The following CD3E variants were observed in gnomAD, a reference collection of about 807,000 sequenced individuals.
CD3E encodes the protein CD3 epsilon subunit of T-cell receptor complex.
Under a neutral mutation model 34.7 loss-of-function variants are expected in CD3E, and 16 were observed. That is an observed-to-expected ratio of 0.46 (90% confidence interval 0.31 to 0.70). The LOEUF (loss-of-function observed/expected upper bound fraction) is 0.70. Ranked by LOEUF, CD3E falls within the 30% of genes least tolerant of loss-of-function variation. The pLI is 0.05. For missense variants in CD3E, 223 were observed against 253.9 expected, an observed-to-expected ratio of 0.88 and a Z score of 0.83; for synonymous variants, 70 against 90.8, an observed-to-expected ratio of 0.77 and a Z score of 1.30.
intron 5 of CD3E, 109 bp downstream of exon 5, chr11:118,312,279 G>A (rs1386038035): frequency 3.0e-6 from 3 of 1,011,044 alleles, no homozygotes; most frequent in Non-Finnish European, 4.8e-6. Context: ...TATCTTCCCA[G>A]CATTGCATTC....
Position 118,308,411 on chromosome 11 carries a change from A to G in CD3E, c.71-16A>G. On this transcript the variant is annotated splice_polypyrimidine_tract_variant and intron_variant, in intron 3 of 8. Coordinates refer to ENST00000361763, the MANE Select transcript of CD3E (RefSeq NM_000733.4). ...ATAGAAACATTACTAATGGCTTCTTACTGTTTCCTTTTCAGGTAATGAAGA... is the reference window on the plus strand; with the variant it reads ...ATAGAAACATTACTAATGGCTTCTTGCTGTTTCCTTTTCAGGTAATGAAGA... 6.3e-7 allele frequency: 1 copy of G among 1,591,562 alleles called. No individual in the cohort carries two copies. Among genetic ancestry groups the G allele is most frequent in the Non-Finnish European group, 8.6e-7 (1 of 1,162,256 alleles).
rs114601342 is a variant in CD3E at position 118,308,503 on chromosome 11, G to C, written c.85+62G>C. 190 of 1,058,548 alleles carry C rather than the reference G, an allele frequency of 1.8e-4. 3 individuals are homozygous for C. The African/African-American group carries it at 2.7e-3, about 15-fold the overall frequency. 65.6% of individuals were successfully genotyped at this position (1,058,548 alleles called of 1,614,324 possible). On this transcript the variant is annotated intron_variant, in intron 4 of 8. Coordinates refer to ENST00000361763, the MANE Select transcript of CD3E (RefSeq NM_000733.4). ...AAATATGGAATGAAATGCTCATAGAGTACAATCACAGTAACAAACCCTGAG... is the reference window on the plus strand; with the variant it reads ...AAATATGGAATGAAATGCTCATAGACTACAATCACAGTAACAAACCCTGAG...
chr11:118,307,434 A>C, intron 3 of CD3E, 126 bp downstream of exon 3: 1 of 792,952 alleles, frequency 1.3e-6, no homozygotes, highest in Non-Finnish European at 2.1e-6. Flanking sequence ...AGTTTCTGCC[A>C]TCTACCCCTT....
rs1291390174 is a variant in CD3E at position 118,315,529 on chromosome 11, A to G, written c.611A>G (p.Gln204Arg). Residue 204 changes from glutamine (Q) to arginine (R), a missense_variant, in exon 9 of 9, where the codon CAG becomes CGG. Gln to Arg is a conservative substitution (Grantham distance 43). Transcript: ENST00000361763. ...CGGGACCTGTATTCTGGCCTGAATC[A>G]GAGACGCATCTGACCCTCTGGAGAA... Reference protein sequence around the residue: ...GQRDLYSGLNQRRI With the variant: ...GQRDLYSGLNRRRI 46 of 1,612,860 alleles carry G rather than the reference A, an allele frequency of 2.9e-5. No individual in the cohort carries two copies. Among genetic ancestry groups the G allele is most frequent in the Non-Finnish European group, 3.8e-5 (45 of 1,179,690 alleles).
chr11:118,307,058 T>C (rs1490340906), intron 2 of CD3E, among the ~76,000 whole-genome samples: 2 of 152,162 alleles, frequency 1.3e-5, no homozygotes, highest in African/African-American at 2.4e-5. Flanking sequence ...TCATAGTTAA[T>C]GCTAGATGCT....
intron 3 of CD3E, 23 bp downstream of exon 3, chr11:118,307,331 CT>C (rs778867576): frequency 1.3e-6 from 2 of 1,586,832 alleles, no homozygotes; most frequent in South Asian, 1.1e-5. Flanking sequence ...TTCTTTCTTT[CT>C]TTTTTATGAA....
At chr11:118,308,653 C>T (rs1397674102) in intron 4 of CD3E, among the ~76,000 whole-genome samples, 1 of 152,184 alleles carries the variant, frequency 6.6e-6, no homozygotes, top group Non-Finnish European at 1.5e-5. Flanking sequence ...TGATCATACA[C>T]ATATGGATGT....
At chr11:118,312,239 T>C in intron 5 of CD3E, 69 bp downstream of exon 5, 1 of 1,310,704 alleles carries the variant, frequency 7.6e-7, no homozygotes, top group Non-Finnish European at 1.1e-6. Context: ...GAGAAGGAAC[T>C]GATTGAGAGA....
Position 118,307,269 on chromosome 11 carries a change from T to C in CD3E, c.50-19T>C, listed in dbSNP as rs777022416. ...CCACAACATTTACTAACACTTTTTT[T>C]TTCTTATTTATTTTCTAGTTGGCGT... On this transcript the variant is annotated intron_variant, in intron 2 of 8. Transcript: ENST00000361763. 6.2e-7 allele frequency: 1 copy of C among 1,600,764 alleles called. No individual in the cohort carries two copies. The highest frequency in any genetic ancestry group is 8.6e-7 in the Non-Finnish European group (1 of 1,168,336).
intron 6 of CD3E, 61 bp downstream of exon 6, chr11:118,312,927 AT>A (rs1948144217): frequency 1.3e-6 from 2 of 1,599,406 alleles, no homozygotes; most frequent in Non-Finnish European, 1.7e-6. Context: ...TCAAAAGGGC[AT>A]TCTCAGTGAT....
At position 118,315,893 on chromosome 11, in the gene CD3E, A is replaced by C; in HGVS notation, c.*351A>C. The C allele has an allele frequency of 5.0e-6, 2 of 400,838 alleles. No homozygotes were observed. The highest frequency in any genetic ancestry group is 2.0e-5 in the African/African-American group (1 of 48,854). 24.8% of individuals were successfully genotyped at this position (400,838 alleles called of 1,614,324 possible). On this transcript the variant is annotated 3_prime_UTR_variant, in exon 9 of 9. Transcript: ENST00000361763. ...TTTTCTTGCATGTAAGTTGTCCCCC[A>C]TCCCAAAGTATTCCATCTACTTTTC... is the stretch of plus-strand genomic sequence containing the variant.
Position 118,315,573 on chromosome 11 carries a change from C to T in CD3E, c.*31C>T. The T allele has an allele frequency of 1.3e-6, 2 of 1,580,678 alleles. No homozygotes were observed. The highest frequency in any genetic ancestry group is 1.7e-6 in the Non-Finnish European group (2 of 1,156,972). On this transcript the variant is annotated 3_prime_UTR_variant, in exon 9 of 9. Transcript: ENST00000361763. Reference sequence around the variant, plus strand: ...TGGAGAACACTGCCTCCCGCTGGCCCAGGTCTCCTCTCCAGTCCCCCTGCG... The same window carrying T: ...TGGAGAACACTGCCTCCCGCTGGCCTAGGTCTCCTCTCCAGTCCCCCTGCG...
chr11:118,315,847 C>T lies in CD3E; in HGVS notation c.*305C>T, dbSNP rs1459794461. On this transcript the variant is annotated 3_prime_UTR_variant, in exon 9 of 9. Transcript: ENST00000361763. ...TTCACTCCCTTCCCTTTGGATGTAA[C>T]TTCTCCGTTCAGTTCCCTCCTTTTC... 1.9e-6 allele frequency: 1 copy of T among 524,910 alleles called. No individual in the cohort carries two copies. The highest frequency in any genetic ancestry group is 3.4e-5 in the East Asian group (1 of 29,658). 32.5% of individuals were successfully genotyped at this position (524,910 alleles called of 1,614,324 possible).
At chr11:118,310,674 TAA>T (rs1200043931) in intron 4 of CD3E, among the ~76,000 whole-genome samples, 3 of 152,210 alleles carry the variant, frequency 2.0e-5, no homozygotes, top group African/African-American at 4.8e-5. Context: ...TTTGTGCCAA[TAA>T]AAGTTGTGAG....
intron 3 of CD3E, among the ~76,000 whole-genome samples, chr11:118,307,886 T>C (rs1290938839): frequency 6.6e-6 from 1 of 152,164 alleles, no homozygotes; most frequent in Non-Finnish European, 1.5e-5. Context: ...ATGGCAACCA[T>C]GGCTGGACAC....
intron 6 of CD3E, 70 bp from the exon 7 acceptor site, chr11:118,313,637 C>T: frequency 2.1e-6 from 3 of 1,458,692 alleles, no homozygotes; most frequent in Non-Finnish European, 2.9e-6. Flanking sequence ...CATGCACTCC[C>T]TCCTCACCTC....
In CD3E at chr11:118,304,961, G is replaced by T. The variant is rs776010793; in HGVS notation, c.9G>T (p.Ser3=). 1.2e-6 allele frequency: 2 copies of T among 1,613,860 alleles called. No homozygotes were observed. Among genetic ancestry groups the T allele is most frequent in the African/African-American group, 1.3e-5 (1 of 74,918 alleles). Residue 3 remains serine, a synonymous_variant, in exon 2 of 9, where the codon TCG becomes TCT. Transcript: ENST00000361763. MQ[S]GTHWRVLGLC... ...AGTCCCATGAAACAAAGATGCAGTC[G>T]GGCACTCACTGGAGAGTTCTGGGCC...
chr11:118,311,498 T>C (rs1948135408), intron 4 of CD3E, among the ~76,000 whole-genome samples: 1 of 152,254 alleles, frequency 6.6e-6, no homozygotes, highest in African/African-American at 2.4e-5. Context: ...AGCCACTTTT[T>C]ATTGGAAGAA....
chr11:118,313,196 T>C (rs934399025), intron 6 of CD3E: 10 of 393,258 alleles, frequency 2.5e-5, no homozygotes, highest in Non-Finnish European at 4.3e-5. Context: ...CCTCCAGAGA[T>C]AAATTTTTCA....
Sources: gnomAD v4.1 joint callset for allele counts (sites outside exome capture counted in the v4.1 genomes callset) on GRCh38, gnomAD v4.1.1 for gene constraint, MANE v1.5 for transcripts, NCBI Gene and HGNC (gene_info 2026-07-23, HGNC 2026-07-21) for gene names.